Variants in CAMKMT observed in about 807,000 individuals in gnomAD.
CAMKMT encodes the protein calmodulin-lysine N-methyltransferase.
A neutral mutation model predicts 48.0 loss-of-function variants in CAMKMT; 53 were observed. That is an observed-to-expected ratio of 1.10 (90% CI 0.89 to 1.39). The LOEUF (loss-of-function observed/expected upper bound fraction) is 1.39, where lower values mean the gene tolerates loss of function less well. CAMKMT is among the 40% of genes most tolerant of loss of function. The pLI is 0.00. For missense variants in CAMKMT, 428 were observed against 402.7 expected, an observed-to-expected ratio of 1.06 and a Z score of -0.54; for synonymous variants, 165 against 152.3, an observed-to-expected ratio of 1.08 and a Z score of -0.61.
chr2:44,761,505 T>G (rs1472626463), intron 9 of CAMKMT, among the ~76,000 whole-genome samples: 1 of 152,196 alleles, frequency 6.6e-6, no homozygotes, highest in African/African-American at 2.4e-5. Context: ...GCACCCCAAT[T>G]ACAAAACAGA....
chr2:44,524,948 C>T (rs1209095450), intron 3 of CAMKMT, among the ~76,000 whole-genome samples: 2 of 143,020 alleles, frequency 1.4e-5, no homozygotes, highest in African/African-American at 5.2e-5. Context: ...AGAGCCTCTC[C>T]ATAAGTGCAA....
chr2:44,704,996 A>G (rs1677474037), intron 4 of CAMKMT, among the ~76,000 whole-genome samples: 1 of 152,104 alleles, frequency 6.6e-6, no homozygotes, highest in Admixed American at 6.5e-5. Flanking sequence ...CCCAGAAAAT[A>G]TAGGTTTTTC....
At chr2:44,475,964 T>C (rs1668668117) in intron 3 of CAMKMT, among the ~76,000 whole-genome samples, 1 of 152,250 alleles carries the variant, frequency 6.6e-6, no homozygotes, top group Non-Finnish European at 1.5e-5. Flanking sequence ...TTGTTTCTTA[T>C]CATATAATGT....
chr2:44,645,171 T>C (rs1673664178), intron 3 of CAMKMT, among the ~76,000 whole-genome samples: 1 of 152,254 alleles, frequency 6.6e-6, no homozygotes, highest in African/African-American at 2.4e-5. Flanking sequence ...AAGGTTGTGA[T>C]GAGTAGGAGG....
intron 3 of CAMKMT, among the ~76,000 whole-genome samples, chr2:44,616,150 C>A (rs1671875509): frequency 6.6e-6 from 1 of 152,192 alleles, no homozygotes; most frequent in South Asian, 2.1e-4. Context: ...TAGCTGCCAT[C>A]TTCTGTCTCT....
chr2:44,686,880 A>C (rs1189502446), intron 3 of CAMKMT, among the ~76,000 whole-genome samples: 1 of 152,220 alleles, frequency 6.6e-6, no homozygotes, highest in African/African-American at 2.4e-5. Flanking sequence ...CCTAGCACTA[A>C]AATAAAATAA....
intron 3 of CAMKMT, among the ~76,000 whole-genome samples, chr2:44,522,322 TTCTA>T (rs765191372): frequency 1.2e-4 from 19 of 152,286 alleles, no homozygotes; most frequent in Non-Finnish European, 1.9e-4. Context: ...TCATTTCATA[TTCTA>T]TCTGTCTCTT....
intron 3 of CAMKMT, among the ~76,000 whole-genome samples, chr2:44,455,899 A>G (rs937608627): frequency 1.3e-5 from 2 of 152,214 alleles, no homozygotes; most frequent in Non-Finnish European, 2.9e-5. Context: ...GTTATCAGGA[A>G]TCCTAACTTT....
intron 3 of CAMKMT, among the ~76,000 whole-genome samples, chr2:44,445,084 C>A (rs1666900703): frequency 6.6e-6 from 1 of 152,112 alleles, no homozygotes; most frequent in Admixed American, 6.6e-5. Flanking sequence ...GCCAAGCCTC[C>A]CATTTCATGG....
intron 3 of CAMKMT, among the ~76,000 whole-genome samples, chr2:44,511,908 C>T (rs185806124): frequency 1.3e-5 from 2 of 152,302 alleles, no homozygotes; most frequent in Admixed American, 6.5e-5. Context: ...TCTGCCCACC[C>T]CCCATCTTCT....
At chr2:44,450,982 A>C (rs1249437135) in intron 3 of CAMKMT, among the ~76,000 whole-genome samples, 1 of 152,114 alleles carries the variant, frequency 6.6e-6, no homozygotes, top group East Asian at 1.9e-4. Context: ...TGCCCAATCA[A>C]AGGATTTGAG....
chr2:44,627,233 T>A (rs1169599906), intron 3 of CAMKMT, among the ~76,000 whole-genome samples: 2 of 152,198 alleles, frequency 1.3e-5, no homozygotes, highest in South Asian at 4.1e-4. Flanking sequence ...CATAAGGTAT[T>A]ATCCTTTATA....
Position 44,543,770 on chromosome 2 carries a change from G to A in CAMKMT, c.376+153465G>A, listed in dbSNP as rs553980934. 2.0e-4 allele frequency among the ~76,000 whole-genome samples: 30 copies of A among 152,274 alleles called. 1 individual carries two copies. In the South Asian group the frequency reaches 6.2e-3, roughly 32 times the overall value. On this transcript the variant is annotated intron_variant, in intron 3 of 10. Transcript: ENST00000378494. ...TACACAACATAGTTGATGTAATGTA[G>A]TAATCATGTATTTTATTTCTCTGGA... is the stretch of plus-strand genomic sequence containing the variant.
intron 2 of CAMKMT, among the ~76,000 whole-genome samples, chr2:44,383,078 G>C (rs1251946626): frequency 6.6e-6 from 1 of 151,926 alleles, no homozygotes; most frequent in East Asian, 1.9e-4. Context: ...CCTTTTCGGA[G>C]GCCATTCCTC....
chr2:44,655,716 C>G (rs1028557171), intron 3 of CAMKMT, among the ~76,000 whole-genome samples: 1 of 152,172 alleles, frequency 6.6e-6, no homozygotes, highest in African/African-American at 2.4e-5. Flanking sequence ...AAGAGCAGAG[C>G]TATCCAATTA....
intron 9 of CAMKMT, among the ~76,000 whole-genome samples, chr2:44,759,380 A>T (rs60590479): frequency 0.11 from 16,556 of 152,186 alleles, 955 homozygotes; most frequent in South Asian, 0.16. Context: ...TTGGCCTCCC[A>T]AAGTGCTGGG....
At chr2:44,389,396 T>C (rs1031235234) in intron 2 of CAMKMT, among the ~76,000 whole-genome samples, 1 of 152,216 alleles carries the variant, frequency 6.6e-6, no homozygotes, top group Admixed American at 6.5e-5. Flanking sequence ...AGTCCGTAAT[T>C]CTATATATCA....
At chr2:44,610,654 G>A (rs919221057) in intron 3 of CAMKMT, among the ~76,000 whole-genome samples, 1 of 152,154 alleles carries the variant, frequency 6.6e-6, no homozygotes, top group Non-Finnish European at 1.5e-5. Flanking sequence ...ATAAGTATCA[G>A]CAGTAAGCCC....
At chr2:44,748,790 T>A (rs1479283904) in intron 8 of CAMKMT, among the ~76,000 whole-genome samples, 1 of 152,076 alleles carries the variant, frequency 6.6e-6, no homozygotes, top group East Asian at 1.9e-4. Flanking sequence ...GGCAGGAGAA[T>A]GGCATGAACC....
Sources: gnomAD v4.1 joint callset for allele counts (sites outside exome capture counted in the v4.1 genomes callset) on GRCh38, gnomAD v4.1.1 for gene constraint, MANE v1.5 for transcripts, NCBI Gene and HGNC (gene_info 2026-07-23, HGNC 2026-07-21) for gene names.